Variants in F8 observed in about 807,000 individuals in gnomAD.
F8 encodes the protein antihemophilic factor.
In F8, 12 loss-of-function variants were observed where a neutral mutation model predicts 140.6. The observed-to-expected ratio is 0.09, with a 90% CI of 0.05 to 0.14. The LOEUF (loss-of-function observed/expected upper bound fraction) is 0.14, where lower values mean the gene tolerates loss of function less well. F8 is among the 10% of genes least tolerant of loss of function. The pLI is 1.00. For missense variants in F8, 1,354 were observed against 1,720.7 expected (o/e 0.79, Z 3.77); for synonymous variants, 585 against 614.6 (o/e 0.95, Z 0.71).
At chrX:155,018,506 C>G (rs1424599518) in intron 1 of F8, among the ~76,000 whole-genome samples, 1 of 108,850 alleles carries the variant, frequency 9.2e-6, no homozygotes, top group Non-Finnish European at 1.9e-5. Context: ...AAAAAAAAAT[C>G]CAAAAGCCCA....
At chrX:155,003,850 A>G (rs1025503960) in intron 1 of F8, among the ~76,000 whole-genome samples, 1 of 107,760 alleles carries the variant, frequency 9.3e-6, no homozygotes, top group East Asian at 2.9e-4. Context: ...AGTCCCAGCT[A>G]TTCAGGAGGC....
chrX:154,970,563 A>T (rs1166035979), intron 6 of F8, among the ~76,000 whole-genome samples: 2 of 111,733 alleles, frequency 1.8e-5, no homozygotes, highest in African/African-American at 6.5e-5. Context: ...CTATTTCTGC[A>T]TTCCAGATCT....
chrX:154,849,279 A>C (rs2072595807), intron 25 of F8, among the ~76,000 whole-genome samples: 1 of 110,798 alleles, frequency 9.0e-6, no homozygotes, highest in South Asian at 3.8e-4. Flanking sequence ...TCCAGCCATG[A>C]AATCACATTC....
At chrX:154,993,398 G>C (rs1202348570) in intron 3 of F8, among the ~76,000 whole-genome samples, 1 of 111,787 alleles carries the variant, frequency 8.9e-6, no homozygotes, top group Non-Finnish European at 1.9e-5. Context: ...GGGATTACAG[G>C]CACGTGCCAC....
intron 22 of F8, 124 bp downstream of exon 22, chrX:154,895,953 C>T (rs2072976574): frequency 7.1e-6 from 5 of 700,241 alleles, no homozygotes; most frequent in East Asian, 3.2e-5. Context: ...CTCTATTGCT[C>T]ATAAGTGAAA....
intron 25 of F8, among the ~76,000 whole-genome samples, chrX:154,837,973 C>T (rs2072488315): frequency 8.9e-6 from 1 of 111,770 alleles, no homozygotes; most frequent in African/African-American, 3.3e-5. Flanking sequence ...AGTGTTCTCA[C>T]CCACTTCCCA....
intron 6 of F8, among the ~76,000 whole-genome samples, chrX:154,980,933 T>C (rs1234068370): frequency 2.7e-5 from 3 of 112,239 alleles, no homozygotes; most frequent in African/African-American, 6.5e-5. Context: ...ATCGCACCAC[T>C]GCACTCCAAC....
At chrX:154,917,311 C>A (rs1044829333) in intron 14 of F8, among the ~76,000 whole-genome samples, 1 of 111,377 alleles carries the variant, frequency 9.0e-6, no homozygotes, top group African/African-American at 3.3e-5. Flanking sequence ...AGTATATTCC[C>A]GGATGAACTG....
chrX:154,900,526 G>A (rs1297809032), intron 20 of F8, among the ~76,000 whole-genome samples: 6 of 111,834 alleles, frequency 5.4e-5, no homozygotes, highest in East Asian at 5.6e-4. Flanking sequence ...AACGTGCCCC[G>A]CCTATTATTT....
At chrX:154,876,200 A>G (rs1215782702) in intron 22 of F8, among the ~76,000 whole-genome samples, 2 of 105,301 alleles carry the variant, frequency 1.9e-5, no homozygotes, top group Non-Finnish European at 3.9e-5. Context: ...GCTCACTGCA[A>G]GCTCCGCCTC....
chrX:154,897,176 A>G (rs2072986567), intron 21 of F8, among the ~76,000 whole-genome samples: 1 of 112,667 alleles, frequency 8.9e-6, no homozygotes, highest in Non-Finnish European at 1.9e-5. Context: ...GACACTTCTT[A>G]AAGAAGAGGT....
Position 154,930,171 on chromosome X carries a change from G to T in F8, c.3619C>A (p.His1207Asn). The part of the protein sequence containing the change: ...NLDNLHENNT[H>N]NQEKKIQEEI... Reference sequence around the variant, plus strand: ...TCCTGAATTTTTTTTTCTTGATTGTGTGTATTATTTTCATGTAAATTATCC... The same window carrying T: ...TCCTGAATTTTTTTTTCTTGATTGTTTGTATTATTTTCATGTAAATTATCC... The change falls in exon 14 of 26, where the codon CAC becomes AAC. Residue 1207 changes from histidine (H) to asparagine (N), a missense_variant. By Grantham distance (68) the His-to-Asn change is moderately conservative. This residue lies in a region of F8 where 658 missense variants were observed against 666.5 expected (regional missense o/e 0.99). Transcript: ENST00000360256. 2.5e-6 allele frequency: 3 copies of T among 1,205,536 alleles called. No homozygotes were observed. The highest frequency in any genetic ancestry group is 3.4e-6 in the Non-Finnish European group (3 of 892,972).
chrX:154,982,363 C>T (rs1557283763), intron 6 of F8, among the ~76,000 whole-genome samples: 3 of 98,962 alleles, frequency 3.0e-5, no homozygotes. Context: ...AGGAGAATGG[C>T]GTGAACCCCG....
chrX:154,935,981 AACACACAC>A (rs782071576), intron 13 of F8, among the ~76,000 whole-genome samples: 50 of 88,318 alleles, frequency 5.7e-4, no homozygotes, highest in East Asian at 1.8e-3. Flanking sequence ...ATGCCAAAGT[AACACACAC>A]ACACACACAC....
chrX:154,935,966 A>G (rs1202525302), intron 13 of F8, among the ~76,000 whole-genome samples: 1 of 86,402 alleles, frequency 1.2e-5, no homozygotes, highest in Admixed American at 1.2e-4. Context: ...GAATAAGCCT[A>G]GAGAATGCCA....
At chrX:154,986,608 G>T (rs1256640875) in intron 5 of F8, among the ~76,000 whole-genome samples, 1 of 111,430 alleles carries the variant, frequency 9.0e-6, no homozygotes, top group African/African-American at 3.3e-5. Flanking sequence ...GTATTGTAGA[G>T]GCTAGAGTGA....
chrX:154,875,774 T>TGTAG (rs1491343653), intron 22 of F8, among the ~76,000 whole-genome samples: 7 of 95,659 alleles, frequency 7.3e-5, no homozygotes, highest in African/African-American at 2.8e-4. Context: ...TGTGTGTGTG[T>TGTAG]AGAGAGAGAG....
At chrX:154,944,054 A>C (rs1557280092) in intron 13 of F8, among the ~76,000 whole-genome samples, 1 of 111,837 alleles carries the variant, frequency 8.9e-6, no homozygotes, top group Admixed American at 9.5e-5. Flanking sequence ...TAGACCTAAA[A>C]CCATAAAAAC....
Position 154,875,773 on chromosome X carries a change from GT to G in F8, c.6430-12547del, listed in dbSNP as rs1557273955. ...TGTGTGTGTGTGTGTGTGTGTGTGT[GT>G]AGAGAGAGAGAGAGTCTATAATGTG... On this transcript the variant is annotated intron_variant, in intron 22 of 25. Transcript: ENST00000360256. 8.0e-3 allele frequency among the ~76,000 whole-genome samples: 788 copies of G among 98,084 alleles called. 2 individuals carry two copies. Among genetic ancestry groups the G allele is most frequent in the Non-Finnish European group, 0.012 (591 of 49,346 alleles). 85.2% of individuals were successfully genotyped at this position (98,084 alleles called of 115,157 possible).
Sources: gnomAD v4.1 joint callset for allele counts (sites outside exome capture counted in the v4.1 genomes callset) on GRCh38, gnomAD v4.1.1 for gene constraint, gnomAD v4.1.1 regional missense constraint, MANE v1.5 for transcripts, NCBI Gene and HGNC (gene_info 2026-07-23, HGNC 2026-07-21) for gene names.